Variants in CDC6 observed in about 807,000 individuals in gnomAD.
CDC6 encodes the protein DNA replication factor CDC6.
CDC6 carries 46 observed loss-of-function variants against 60.2 expected under a neutral mutation model. The ratio of observed to expected loss-of-function variants is 0.76; its 90% confidence interval spans 0.60 to 0.98. The LOEUF (loss-of-function observed/expected upper bound fraction) is 0.98. Among genes scored for constraint, CDC6 ranks in the 50% least tolerant of loss-of-function variants. The pLI, the probability that CDC6 is intolerant of heterozygous loss-of-function variation, is 0.00. For synonymous variants in CDC6, 210 were observed against 233.2 expected, an observed-to-expected ratio of 0.90 and a Z score of 0.90; for missense variants, 596 against 652.9, an observed-to-expected ratio of 0.91 and a Z score of 0.95.
Position 40,291,529 on chromosome 17 carries a change from C to A in CDC6, c.521C>A (p.Ala174Asp). The A allele has an allele frequency of 1.9e-6, 3 of 1,614,154 alleles. No homozygotes were observed. The highest frequency in any genetic ancestry group is 2.5e-6 in the Non-Finnish European group (3 of 1,180,012). The part of the protein sequence containing the change: ...LNTAVPDRLP[A>D]REREMDVIRN... Reference sequence around the variant, plus strand: ...ACAGCTGTCCCAGATCGGCTGCCTGCCAGGGAAAGGGAGATGGATGTCATC... The same window carrying A: ...ACAGCTGTCCCAGATCGGCTGCCTGACAGGGAAAGGGAGATGGATGTCATC... The change falls in exon 4 of 12, where the codon GCC becomes GAC. Residue 174 changes from alanine to aspartate, a missense_variant. By Grantham distance (126) the Ala-to-Asp change is moderately radical. Coordinates refer to ENST00000209728, the MANE Select transcript of CDC6 (RefSeq NM_001254.4).
At chr17:40,288,738 C>T (rs1449143324) in intron 1 of CDC6, among the ~76,000 whole-genome samples, 1 of 152,190 alleles carries the variant, frequency 6.6e-6, no homozygotes, top group East Asian at 1.9e-4. Context: ...GCGCCCACCA[C>T]CACGCCCGGC....
At chr17:40,288,780 T>C (rs539718333) in intron 1 of CDC6, among the ~76,000 whole-genome samples, 42 of 152,182 alleles carry the variant, frequency 2.8e-4, no homozygotes, top group African/African-American at 9.9e-4. Flanking sequence ...GAGACGGGGT[T>C]TCACCGTGTT....
intron 7 of CDC6, among the ~76,000 whole-genome samples, chr17:40,295,000 C>A (rs2032837580): frequency 6.6e-6 from 1 of 152,170 alleles, no homozygotes; most frequent in African/African-American, 2.4e-5. Flanking sequence ...GCTGGGATTA[C>A]AGGCATGAGC....
intron 9 of CDC6, among the ~76,000 whole-genome samples, chr17:40,299,136 G>GTTTTTTTTTTTTTT (rs2032900365): frequency 9.8e-6 from 1 of 101,648 alleles, no homozygotes; most frequent in African/African-American, 3.8e-5. Flanking sequence ...TAAGGCCATA[G>GTTTTTTTTTTTTTT]TCTTTTTTTT....
chr17:40,293,166 G>A (rs983450689), intron 4 of CDC6, among the ~76,000 whole-genome samples: 1 of 152,038 alleles, frequency 6.6e-6, no homozygotes, highest in Non-Finnish European at 1.5e-5. Flanking sequence ...TTCAACCCGG[G>A]AGGCAGAGGT....
chr17:40,301,061 G>T lies in CDC6; in HGVS notation c.1452+31G>T, dbSNP rs768401329. 1.7e-5 allele frequency: 25 copies of T among 1,458,804 alleles called. No homozygotes were observed. In the South Asian group the frequency reaches 2.8e-4, roughly 17 times the overall value. The allele number at this position is 1,458,804 out of a possible 1,614,324, so 90.4% of individuals were successfully genotyped here. A position where few individuals can be genotyped will look rare whatever the true frequency, so the allele number is the denominator to read the frequency against. ...TTGGGATGGAGCAGATGGAACGGAG[G>T]TAGAGATCAGAATCTGCTTTGCAGA... On this transcript the variant is annotated intron_variant, in intron 10 of 11. Transcript: ENST00000209728.
In CDC6 at chr17:40,302,808, C is replaced by T. The variant is rs1477271153; in HGVS notation, c.*807C>T. On this transcript the variant is annotated 3_prime_UTR_variant, in exon 12 of 12. Coordinates refer to ENST00000209728, the MANE Select transcript of CDC6 (RefSeq NM_001254.4). ...TACTATGTTCATGGTGCAGATACTA[C>T]AACATTGTGGCATTTTAGACTCGTT... 1 of 152,214 alleles carries T rather than the reference C, an allele frequency of 6.6e-6. No individual in the cohort carries two copies. Among genetic ancestry groups the T allele is most frequent in the African/African-American group, 2.4e-5 (1 of 41,434 alleles). 9.4% of individuals were successfully genotyped at this position (152,214 alleles called of 1,614,324 possible). A position where few individuals can be genotyped will look rare whatever the true frequency, so the allele number is the denominator to read the frequency against.
chr17:40,293,418 G>A, intron 4 of CDC6, 38 bp from the exon 5 acceptor site: 3 of 1,561,236 alleles, frequency 1.9e-6, no homozygotes, highest in Middle Eastern at 1.7e-4. Flanking sequence ...TATTTTCTGA[G>A]GCCAAAATAA....
chr17:40,291,210 G>A lies in CDC6; in HGVS notation c.331G>A (p.Glu111Lys), dbSNP rs1312925151. Residue 111 changes from glutamate to lysine, a missense_variant, in exon 3 of 12, where the codon GAA (glutamate) becomes AAA (lysine). By Grantham distance (56) the Glu-to-Lys change is moderately conservative. Coordinates refer to ENST00000209728, the MANE Select transcript of CDC6 (RefSeq NM_001254.4). ...GACAATTAAGTCTCCTAGCAAAAGAGAACTAGCCAAAGTTCACCAAAACAA... is the reference window on the plus strand; with the variant it reads ...GACAATTAAGTCTCCTAGCAAAAGAAAACTAGCCAAAGTTCACCAAAACAA... ...QLTIKSPSKR[E>K]LAKVHQNKIL... is the part of the protein sequence containing the mutation. The A allele has an allele frequency of 1.2e-6, 2 of 1,614,180 alleles. No homozygotes were observed. The highest frequency in any genetic ancestry group is 1.7e-6 in the Non-Finnish European group (2 of 1,180,018).
At chr17:40,294,256 A>G in intron 6 of CDC6, 108 bp from the exon 7 acceptor site, 2 of 1,012,920 alleles carry the variant, frequency 2.0e-6, no homozygotes, top group African/African-American at 1.6e-5. Flanking sequence ...GCAAGCAACA[A>G]TTAGAATGCT....
At chr17:40,289,057 A>G in intron 1 of CDC6, 1 of 320,328 alleles carries the variant, frequency 3.1e-6, no homozygotes, top group Admixed American at 4.6e-5. Context: ...GGGCTCTGGC[A>G]CCAGATGCCC....
chr17:40,300,138 AT>A (rs1443573951), intron 9 of CDC6, among the ~76,000 whole-genome samples: 1 of 151,658 alleles, frequency 6.6e-6, no homozygotes, highest in Non-Finnish European at 1.5e-5. Context: ...AATTTTTTGT[AT>A]TTTTAGTAGA....
chr17:40,291,697 C>A, intron 4 of CDC6, 29 bp downstream of exon 4: 1 of 1,578,858 alleles, frequency 6.3e-7, no homozygotes, highest in Non-Finnish European at 8.7e-7. Context: ...TTATGATACT[C>A]TTGGTAAAAT....
intron 5 of CDC6, 92 bp from the exon 6 acceptor site, chr17:40,293,858 C>T: frequency 8.8e-7 from 1 of 1,140,790 alleles, no homozygotes; most frequent in Non-Finnish European, 1.3e-6. Context: ...AAACTGGTCT[C>T]AGCTTTAGGA....
rs2032953638 is a variant in CDC6 at position 40,302,430 on chromosome 17, C to G, written c.*429C>G. The G allele has an allele frequency of 5.7e-6, 1 of 174,072 alleles. No individual in the cohort carries two copies. Among genetic ancestry groups the G allele is most frequent in the African/African-American group, 2.4e-5 (1 of 41,656 alleles). 10.8% of individuals were successfully genotyped at this position (174,072 alleles called of 1,614,324 possible). On this transcript the variant is annotated 3_prime_UTR_variant, in exon 12 of 12. Coordinates refer to ENST00000209728, the MANE Select transcript of CDC6 (RefSeq NM_001254.4). The stretch of plus-strand genomic sequence containing the variant: ...AGTGCAATGGCGCGTTCTCTGCTCA[C>G]TACAGCACCCGCTTCCCAGGTTGAA...
At chr17:40,289,986 A>G (rs1049515947) in intron 2 of CDC6, among the ~76,000 whole-genome samples, 1 of 151,448 alleles carries the variant, frequency 6.6e-6, no homozygotes, top group Non-Finnish European at 1.5e-5. Flanking sequence ...CGGCCTCCCA[A>G]AGTGCTGGGA....
Position 40,299,990 on chromosome 17 carries a change from T to TTTATATGGAG in CDC6, c.1250-836_1250-835insATATGGAGTT, listed in dbSNP as rs1229075150. ...CCCTTTCTTTTTTTTTTATATGGAG[T>TTTATATGGAG]TTCACTCTTGTCGTCCAGGCTGGAG... On this transcript the variant is annotated intron_variant, in intron 9 of 11. Coordinates refer to ENST00000209728, the MANE Select transcript of CDC6 (RefSeq NM_001254.4). Among the ~76,000 whole-genome samples the TTTATATGGAG allele has an allele frequency of 6.6e-5, 10 of 151,932 alleles. No homozygotes were observed. In the East Asian group the frequency reaches 1.9e-3, roughly 29 times the overall value.
chr17:40,293,684 C>T, intron 5 of CDC6, 53 bp downstream of exon 5: 1 of 1,391,024 alleles, frequency 7.2e-7, no homozygotes, highest in East Asian at 2.3e-5. Flanking sequence ...AGGTCTGTTG[C>T]CCATAAAAAG....
In CDC6 at chr17:40,295,446, G is replaced by C. The variant is rs201176012; in HGVS notation, c.1174G>C (p.Asp392His). Reference sequence around the variant, plus strand: ...TTCAGGAGATGTTCGCAAAGCACTGGATGTTTGCAGGTGAGTTACGGCTCT... The same window carrying C: ...TTCAGGAGATGTTCGCAAAGCACTGCATGTTTGCAGGTGAGTTACGGCTCT... ...AVSGDVRKAL[D>H]VCRRAIEIVE... Residue 392 changes from aspartate (D) to histidine (H), a missense_variant, in exon 8 of 12, where the codon GAT (aspartate) becomes CAT (histidine). Asp to His is a moderately conservative substitution (Grantham distance 81). Coordinates refer to ENST00000209728, the MANE Select transcript of CDC6 (RefSeq NM_001254.4). 1 of 1,606,380 alleles carries C rather than the reference G, an allele frequency of 6.2e-7. No homozygotes were observed. Among genetic ancestry groups the C allele is most frequent in the African/African-American group, 1.3e-5 (1 of 74,616 alleles).
Sources: allele counts gnomAD v4.1 joint callset (sites outside exome capture counted in the v4.1 genomes callset), GRCh38; gene constraint gnomAD v4.1.1; transcripts MANE v1.5; gene names NCBI Gene and HGNC (gene_info 2026-07-23, HGNC 2026-07-21).